Variants in TENM2 observed in about 807,000 individuals in gnomAD.
TENM2 encodes the protein teneurin-2.
TENM2 carries 52 observed loss-of-function variants against 245.2 expected under a neutral mutation model. The observed-to-expected ratio is 0.21, with a 90% CI of 0.17 to 0.27. TENM2 has a LOEUF of 0.27. Among genes scored for constraint, TENM2 ranks in the 10% least tolerant of loss-of-function variants. The pLI, the probability that TENM2 is intolerant of heterozygous loss-of-function variation, is 1.00. For synonymous variants in TENM2, 1,363 were observed against 1,438.9 expected (o/e 0.95, Z 1.19); for missense variants, 3,046 against 3,666.8 (o/e 0.83, Z 4.37).
intron 2 of TENM2, among the ~76,000 whole-genome samples, chr5:167,439,850 T>A (rs181861483): frequency 1.3e-5 from 2 of 152,186 alleles, no homozygotes; most frequent in African/African-American, 4.8e-5. Context: ...ATATATTTTA[T>A]GAAAAGAATA....
the TENM2 span, among the ~76,000 whole-genome samples, chr5:167,041,612 G>A: frequency 2.0e-5 from 3 of 152,172 alleles, no homozygotes; most frequent in African/African-American, 4.8e-5. Context: ...TAACCAAAAA[G>A]AAAATCTAGG....
At chr5:168,018,458 A>T (rs1785854905) in intron 5 of TENM2, among the ~76,000 whole-genome samples, 1 of 150,154 alleles carries the variant, frequency 6.7e-6, no homozygotes, top group African/African-American at 2.5e-5. Flanking sequence ...GGAGAAAAGG[A>T]TTGCATTTCA....
chr5:167,664,972 C>A (rs544647312), intron 2 of TENM2, among the ~76,000 whole-genome samples: 82 of 152,296 alleles, frequency 5.4e-4, no homozygotes, highest in African/African-American at 1.9e-3. Context: ...GGCTAAATAA[C>A]CCTGAAGTCC....
At chr5:167,503,073 CG>C (rs1416737261) in intron 2 of TENM2, among the ~76,000 whole-genome samples, 1 of 151,982 alleles carries the variant, frequency 6.6e-6, no homozygotes, top group Non-Finnish European at 1.5e-5. Flanking sequence ...GTGATCCACC[CG>C]ACTCGGCCTC....
chr5:168,171,655 T>A (rs1177599323), intron 13 of TENM2, among the ~76,000 whole-genome samples: 1 of 152,240 alleles, frequency 6.6e-6, no homozygotes, highest in African/African-American at 2.4e-5. Context: ...CAAGTCTTTA[T>A]TAGTTTAAAT....
chr5:167,598,750 G>T (rs1049149948), intron 2 of TENM2, among the ~76,000 whole-genome samples: 9 of 145,054 alleles, frequency 6.2e-5, no homozygotes, highest in Non-Finnish European at 1.1e-4. Context: ...GTTTGTTTTT[G>T]TTTTTTTTTT....
At chr5:168,157,662 C>T (rs900643274) in intron 12 of TENM2, among the ~76,000 whole-genome samples, 15 of 152,110 alleles carry the variant, frequency 9.9e-5, no homozygotes, top group African/African-American at 3.6e-4. Context: ...TTAAGAATGC[C>T]TCCAAGGTTT....
intron 1 of TENM2, among the ~76,000 whole-genome samples, chr5:167,325,343 T>C (rs1380120986): frequency 6.6e-6 from 1 of 152,192 alleles, no homozygotes; most frequent in African/African-American, 2.4e-5. Context: ...TAAATATAGT[T>C]TGAGTGATGG....
intron 5 of TENM2, among the ~76,000 whole-genome samples, chr5:168,033,366 G>T (rs1787302104): frequency 1.3e-5 from 2 of 152,150 alleles, no homozygotes; most frequent in Non-Finnish European, 2.9e-5. Flanking sequence ...GCTTTTAGTA[G>T]CTAGGTGGCA....
the TENM2 span, among the ~76,000 whole-genome samples, chr5:166,987,887 T>A: frequency 6.6e-6 from 1 of 152,184 alleles, no homozygotes; most frequent in Non-Finnish European, 1.5e-5. Flanking sequence ...GCTCCATGGA[T>A]GAAAAATGTT....
At chr5:168,184,732 C>T (rs1383714014) in intron 13 of TENM2, among the ~76,000 whole-genome samples, 5 of 152,194 alleles carry the variant, frequency 3.3e-5, no homozygotes, top group Non-Finnish European at 5.9e-5. Context: ...GGCTGCTTTA[C>T]AGCCTCTCCA....
At chr5:167,771,369 T>C (rs1763393032) in intron 2 of TENM2, among the ~76,000 whole-genome samples, 1 of 152,194 alleles carries the variant, frequency 6.6e-6, no homozygotes, top group Non-Finnish European at 1.5e-5. Context: ...ACTTTTTTTC[T>C]AGTCATTTTA....
chr5:167,389,218 G>A, intron 2 of TENM2, among the ~76,000 whole-genome samples: 1 of 149,326 alleles, frequency 6.7e-6, no homozygotes, highest in African/African-American at 2.5e-5. Context: ...ATTATGCAAA[G>A]CATATGTGCG....
chr5:167,933,494 T>G (rs574478977), intron 3 of TENM2, among the ~76,000 whole-genome samples: 1 of 152,360 alleles, frequency 6.6e-6, no homozygotes, highest in South Asian at 2.1e-4. Context: ...AATTAAATGT[T>G]GAATTATGCT....
intron 2 of TENM2, among the ~76,000 whole-genome samples, chr5:167,805,823 A>T (rs954573322): frequency 1.3e-5 from 2 of 152,140 alleles, no homozygotes; most frequent in African/African-American, 4.8e-5. Context: ...AAGTCTGAGA[A>T]GAAAACCAGT....
chr5:167,695,135 G>T (rs1430908489), intron 2 of TENM2, among the ~76,000 whole-genome samples: 1 of 152,122 alleles, frequency 6.6e-6, no homozygotes, highest in Non-Finnish European at 1.5e-5. Context: ...CAGAGTATGG[G>T]AGCTACACAT....
chr5:167,442,639 A>G (rs1333545106), intron 2 of TENM2, among the ~76,000 whole-genome samples: 2 of 152,192 alleles, frequency 1.3e-5, no homozygotes, highest in Non-Finnish European at 2.9e-5. Context: ...TTAAATATAT[A>G]AAGTGGGGAA....
At chr5:167,137,085 T>C in the TENM2 span, among the ~76,000 whole-genome samples, 1 of 152,164 alleles carries the variant, frequency 6.6e-6, no homozygotes, top group African/African-American at 2.4e-5. Flanking sequence ...GGGTGATATC[T>C]CCCTCTCTTC....
chr5:167,939,839 C>T (rs1051625140), intron 3 of TENM2, among the ~76,000 whole-genome samples: 2 of 152,186 alleles, frequency 1.3e-5, no homozygotes, highest in African/African-American at 2.4e-5. Context: ...CTGGTTGAGT[C>T]AGAAGCCTTT....
Sources: allele counts gnomAD v4.1 joint callset (sites outside exome capture counted in the v4.1 genomes callset), GRCh38; gene constraint gnomAD v4.1.1; transcripts MANE v1.5; gene names NCBI Gene and HGNC (gene_info 2026-07-23, HGNC 2026-07-21).